HPSE: variants seen among roughly 807,000 people sequenced by gnomAD.
HPSE encodes the protein endo-glucoronidase.
Under a neutral mutation model 65.1 loss-of-function variants are expected in HPSE, and 48 were observed. The observed-to-expected ratio is 0.74, with a 90% CI of 0.58 to 0.94. The LOEUF is 0.94. HPSE is among the 40% of genes least tolerant of loss of function. HPSE has a pLI of 0.00. For synonymous variants in HPSE, 243 were observed against 260.0 expected (o/e 0.93, Z 0.63); for missense variants, 644 against 637.5 (o/e 1.01, Z -0.11).
At chr4:83,311,642 AT>A (rs1736379416) in intron 4 of HPSE, among the ~76,000 whole-genome samples, 1 of 152,076 alleles carries the variant, frequency 6.6e-6, no homozygotes, top group Non-Finnish European at 1.5e-5. Flanking sequence ...AAGAAAAAAA[AT>A]TGGCTAGGCA....
intron 6 of HPSE, among the ~76,000 whole-genome samples, chr4:83,309,806 T>C (rs889015413): frequency 8.5e-5 from 13 of 152,246 alleles, no homozygotes; most frequent in African/African-American, 2.4e-4. Context: ...ATTGGCACTG[T>C]TCTTCTGTAT....
intron 4 of HPSE, among the ~76,000 whole-genome samples, chr4:83,311,700 T>C (rs1400308464): frequency 4.0e-5 from 6 of 149,658 alleles, no homozygotes; most frequent in Non-Finnish European, 8.8e-5. Context: ...AGAGATTGCA[T>C]GAGCCCAGGA....
chr4:83,312,519 T>TGCAAAAAAAAAAAAAAAA (rs1736428390), intron 4 of HPSE, among the ~76,000 whole-genome samples: 1 of 145,452 alleles, frequency 6.9e-6, no homozygotes, highest in Admixed American at 7.0e-5. Flanking sequence ...CTACTAAAAA[T>TGCAAAAAAAAAAAAAAAA]ACAAAAAAAT....
In HPSE at chr4:83,306,133, G is replaced by T. The variant is rs1736138284; in HGVS notation, c.1206+70C>A. ...CTGAGAGGACTGACTGTTCATAGGA[G>T]GTTAACACCAGAGGTCCTGAGTTGA... On this transcript the variant is annotated intron_variant, in intron 9 of 11. Transcript: ENST00000311412. The T allele has an allele frequency of 3.4e-6, 3 of 869,970 alleles. No individual in the cohort carries two copies. The Admixed American group carries it at 5.3e-5, about 15-fold the overall frequency. The allele number at this position is 869,970 out of a possible 1,614,324, so 53.9% of individuals were successfully genotyped here. A position where few individuals can be genotyped will look rare whatever the true frequency, so the allele number is the denominator to read the frequency against.
chr4:83,325,308 C>A (rs113082138), intron 1 of HPSE, among the ~76,000 whole-genome samples: 3,684 of 151,816 alleles, frequency 0.024, 141 homozygotes, highest in African/African-American at 0.083. Flanking sequence ...TGGGACTATA[C>A]GCACCCACCA....
intron 1 of HPSE, among the ~76,000 whole-genome samples, chr4:83,330,993 T>C (rs914992950): frequency 6.6e-6 from 1 of 152,094 alleles, no homozygotes; most frequent in African/African-American, 2.4e-5. Flanking sequence ...TCACCTGAGC[T>C]CAGGAGTTTG....
chr4:83,296,020 A>G (rs1255092104), intron 11 of HPSE, among the ~76,000 whole-genome samples: 2 of 152,204 alleles, frequency 1.3e-5, no homozygotes, highest in African/African-American at 4.8e-5. Context: ...GTATGCATTC[A>G]TTTTCTTACT....
intron 8 of HPSE, 147 bp downstream of exon 8, chr4:83,308,698 T>C: frequency 3.1e-6 from 2 of 635,298 alleles, no homozygotes; most frequent in Middle Eastern, 4.4e-4. Flanking sequence ...TAGTAAATCA[T>C]TTTCTTGCAA....
intron 1 of HPSE, among the ~76,000 whole-genome samples, chr4:83,333,900 C>A (rs1578032570): frequency 6.6e-6 from 1 of 151,892 alleles, no homozygotes; most frequent in East Asian, 1.9e-4. Flanking sequence ...GAGAAATCTT[C>A]CTAACACAGT....
Position 83,313,153 on chromosome 4 carries a change from A to T in HPSE, c.634T>A (p.Ser212Thr). 6 of 1,613,958 alleles carry T rather than the reference A, an allele frequency of 3.7e-6. No homozygotes were observed. Among genetic ancestry groups the T allele is most frequent in the Non-Finnish European group, 4.2e-6 (5 of 1,179,826 alleles). Residue 212 changes from serine (S) to threonine (T), a missense_variant, in exon 4 of 12, where the codon TCT (serine) becomes ACT (threonine). Transcript: ENST00000311412. Reference protein sequence around the residue: ...SNAQLLLDYCSSKGYNISWEL... With the variant: ...SNAQLLLDYCTSKGYNISWEL... ...CAAGAAATGTTATACCCCTTGGAAGAGCAGTAGTCCAGGAGCAACTGAGCA... is the reference window on the plus strand; with the variant it reads ...CAAGAAATGTTATACCCCTTGGAAGTGCAGTAGTCCAGGAGCAACTGAGCA...
At position 83,322,785 on chromosome 4, in the gene HPSE, TTGTTTGTGTG is replaced by T. The variant is rs1400664331; in HGVS notation, c.228-431_228-422del. 5.5e-3 allele frequency among the ~76,000 whole-genome samples: 431 copies of T among 78,858 alleles called. 2 individuals carry two copies. The East Asian group carries it at 0.1, about 19-fold the overall frequency. The allele number at this position is 78,858 out of a possible 152,430, so 51.7% of individuals were successfully genotyped here. On this transcript the variant is annotated intron_variant, in intron 1 of 11. Transcript: ENST00000311412. The stretch of plus-strand genomic sequence containing the variant: ...TTGTAGCTCTAATTCTGGCAAGAGC[TTGTTTGTGTG>T]TGTGTGTGTGTGTGTGTGTGTGTGT...
chr4:83,333,693 G>A (rs988796896), intron 1 of HPSE, among the ~76,000 whole-genome samples: 2 of 152,118 alleles, frequency 1.3e-5, no homozygotes, highest in African/African-American at 2.4e-5. Context: ...AAAAAACTTA[G>A]AGCTGATAAG....
At chr4:83,302,710 C>T (rs911509482) in intron 9 of HPSE, among the ~76,000 whole-genome samples, 2 of 152,120 alleles carry the variant, frequency 1.3e-5, no homozygotes, top group Non-Finnish European at 2.9e-5. Context: ...GCACGGTGGC[C>T]AAAGTGTAAT....
At chr4:83,335,007 C>T (rs1737563296), upstream of HPSE, 1 of 628,304 alleles carries the variant, frequency 1.6e-6, no homozygotes. Context: ...TCTCCTACTT[C>T]CTTGCTCGCT....
intron 7 of HPSE, 48 bp from the exon 8 acceptor site, chr4:83,308,999 T>C (rs778286845): frequency 6.9e-7 from 1 of 1,448,530 alleles, no homozygotes. Flanking sequence ...AGCTGACCTG[T>C]GGTTTCAACT....
At chr4:83,309,702 T>A (rs1475320316) in intron 6 of HPSE, among the ~76,000 whole-genome samples, 1 of 152,170 alleles carries the variant, frequency 6.6e-6, no homozygotes, top group Admixed American at 6.6e-5. Flanking sequence ...AGTTACTCTG[T>A]CTTGAAAAAA....
intron 1 of HPSE, 95 bp downstream of exon 1, chr4:83,334,461 G>T (rs1441455719): frequency 1.5e-6 from 2 of 1,376,822 alleles, no homozygotes; most frequent in African/African-American, 1.5e-5. Context: ...CCGGTGTGAA[G>T]TTGTTTCCGC....
chr4:83,300,224 A>C (rs969427679), intron 11 of HPSE, among the ~76,000 whole-genome samples: 15 of 152,206 alleles, frequency 9.9e-5, no homozygotes, highest in African/African-American at 3.4e-4. Flanking sequence ...TACTCTAGCT[A>C]TTCTTTTTCT....
chr4:83,322,007 T>TTG (rs70946999), intron 2 of HPSE, among the ~76,000 whole-genome samples: 1 of 148,632 alleles, frequency 6.7e-6, no homozygotes, highest in Non-Finnish European at 1.5e-5. Context: ...TTTTTTTTTT[T>TTG]GTGAGGCCTC....
Sources: allele counts gnomAD v4.1 joint callset (sites outside exome capture counted in the v4.1 genomes callset), GRCh38; gene constraint gnomAD v4.1.1; transcripts MANE v1.5; gene names NCBI Gene and HGNC (gene_info 2026-07-23, HGNC 2026-07-21).